Variants in CIMAP2 observed in about 807,000 individuals in gnomAD.
CIMAP2 encodes the protein ciliary microtubule associated protein 2.
At chr1:54,811,938 C>G in the CIMAP2 span, 1 of 1,614,142 alleles carries the variant, frequency 6.2e-7, no homozygotes, top group African/African-American at 1.3e-5. Flanking sequence ...TCAGGTACCC[C>G]CTCGGCTGGC....
the CIMAP2 span, chr1:54,808,145 A>G: frequency 1.1e-6 from 1 of 905,116 alleles, no homozygotes; most frequent in Non-Finnish European, 1.6e-6. Flanking sequence ...AGTGGCATAC[A>G]CTGTCCTAGA....
At chr1:54,822,312 A>G in the CIMAP2 span, among the ~76,000 whole-genome samples, 1 of 151,704 alleles carries the variant, frequency 6.6e-6, no homozygotes. Flanking sequence ...ATAGTACTAG[A>G]AGTCCTAGAT....
At chr1:54,809,081 C>T in the CIMAP2 span, among the ~76,000 whole-genome samples, 9 of 56,830 alleles carry the variant, frequency 1.6e-4, no homozygotes, top group Non-Finnish European at 3.3e-4. Context: ...CACACATAGG[C>T]ACGCAATAAG....
At chr1:54,821,938 G>A in the CIMAP2 span, among the ~76,000 whole-genome samples, 3 of 106,274 alleles carry the variant, frequency 2.8e-5, no homozygotes, top group South Asian at 3.0e-4. Context: ...TCGCTCTGTC[G>A]CCCAGGCTGG....
chr1:54,833,402 G>T, the CIMAP2 span, among the ~76,000 whole-genome samples: 14 of 152,176 alleles, frequency 9.2e-5, no homozygotes, highest in Admixed American at 9.2e-4. Flanking sequence ...CAACCAGTGC[G>T]CTGCCTTTGA....
chr1:54,836,849 G>A, the CIMAP2 span, among the ~76,000 whole-genome samples: 1 of 151,972 alleles, frequency 6.6e-6, no homozygotes, highest in African/African-American at 2.4e-5. Context: ...ATGGAAGAAC[G>A]AAGCCAGGTG....
At chr1:54,814,045 T>C in the CIMAP2 span, 2 of 1,487,636 alleles carry the variant, frequency 1.3e-6, no homozygotes, top group Non-Finnish European at 1.8e-6. Flanking sequence ...GGGCATGGGG[T>C]AGGGTGGCTA....
chr1:54,807,759 T>C, the CIMAP2 span: 1 of 1,521,736 alleles, frequency 6.6e-7, no homozygotes, highest in Non-Finnish European at 8.8e-7. Flanking sequence ...AGCTGCTCTG[T>C]GTGGCCTTCA....
chr1:54,835,725 G>A, the CIMAP2 span, among the ~76,000 whole-genome samples: 1 of 152,110 alleles, frequency 6.6e-6, no homozygotes, highest in African/African-American at 2.4e-5. Flanking sequence ...ACAGCAGTCT[G>A]GTCCAGAGTG....
At chr1:54,841,491 T>G in the CIMAP2 span, 1 of 1,471,022 alleles carries the variant, frequency 6.8e-7, no homozygotes, top group Non-Finnish European at 9.2e-7. Flanking sequence ...GTCCTTGGTC[T>G]TCCTCTCAGG....
At chr1:54,811,765 G>GCCGGGCGGGGGGGGCCCCCCCCC in the CIMAP2 span, 1 of 1,301,332 alleles carries the variant, frequency 7.7e-7, no homozygotes, top group Non-Finnish European at 1.1e-6. Flanking sequence ...GGTTCTGACA[G>GCCGGGCGGGGGGGGCCCCCCCCC]CCTCCATGCC....
At chr1:54,806,296 C>T in the CIMAP2 span, 2 of 1,365,418 alleles carry the variant, frequency 1.5e-6, no homozygotes, top group Non-Finnish European at 1.9e-6. Context: ...CACGCTTGGC[C>T]TCGGGAGAGA....
chr1:54,813,803 C>T, the CIMAP2 span: 1 of 1,586,440 alleles, frequency 6.3e-7, no homozygotes, highest in South Asian at 1.2e-5. Flanking sequence ...CTTTTTCTCT[C>T]TTTTTCTTAG....
chr1:54,821,098 T>C, the CIMAP2 span, among the ~76,000 whole-genome samples: 1 of 152,272 alleles, frequency 6.6e-6, no homozygotes, highest in South Asian at 2.1e-4. Flanking sequence ...ATTATTATTA[T>C]TGCTGTTGAG....
At chr1:54,811,765 G>GCGGGGGGGGGGGGGGCCCCCCCCCCCC in the CIMAP2 span, 3 of 1,301,328 alleles carry the variant, frequency 2.3e-6, no homozygotes, top group East Asian at 2.5e-5. Flanking sequence ...GGTTCTGACA[G>GCGGGGGGGGGGGGGGCCCCCCCCCCCC]CCTCCATGCC....
chr1:54,810,869 C>T, the CIMAP2 span, among the ~76,000 whole-genome samples: 2 of 152,176 alleles, frequency 1.3e-5, no homozygotes, highest in Admixed American at 1.3e-4. Flanking sequence ...CCACTCTGTG[C>T]CAGACACCGT....
chr1:54,811,766 C>CCGGGGGGG, the CIMAP2 span: 62 of 1,305,102 alleles, frequency 4.8e-5, no homozygotes, highest in Non-Finnish European at 5.9e-5. Context: ...GTTCTGACAG[C>CCGGGGGGG]CTCCATGCCC....
chr1:54,806,092 G>GAGGC, the CIMAP2 span: 1 of 1,502,598 alleles, frequency 6.7e-7, no homozygotes. Context: ...GGCAGCAGCG[G>GAGGC]AGGCGGGCAG....
chr1:54,837,491 T>G, the CIMAP2 span, among the ~76,000 whole-genome samples: 73 of 152,242 alleles, frequency 4.8e-4, 1 homozygote, highest in African/African-American at 1.7e-3. Context: ...AGTGTAAGAC[T>G]TGCCATCCAA....
Sources: allele counts gnomAD v4.1 joint callset (sites outside exome capture counted in the v4.1 genomes callset), GRCh38; gene constraint gnomAD v4.1.1; transcripts MANE v1.5; gene names NCBI Gene and HGNC (gene_info 2026-07-23, HGNC 2026-07-21).